FRMD5: variants seen among roughly 807,000 people sequenced by gnomAD.
FRMD5 encodes the protein FERM domain-containing protein 5.
A neutral mutation model predicts 69.0 loss-of-function variants in FRMD5; 20 were observed. The ratio of observed to expected loss-of-function variants is 0.29; its 90% CI spans 0.20 to 0.42. The LOEUF (loss-of-function observed/expected upper bound fraction) is 0.42, where lower values mean the gene tolerates loss of function less well. FRMD5 is among the 10% of genes least tolerant of loss of function. The pLI is 1.00. For synonymous variants in FRMD5, 271 were observed against 260.1 expected, an observed-to-expected ratio of 1.04 and a Z score of -0.40; for missense variants, 595 against 708.6, an observed-to-expected ratio of 0.84 and a Z score of 1.82.
chr15:44,091,383 T>C lies in FRMD5; in HGVS notation c.102+103570A>G, dbSNP rs969121026. On this transcript the variant is annotated intron_variant, in intron 1 of 13. Coordinates refer to ENST00000417257, the MANE Select transcript of FRMD5 (RefSeq NM_032892.5). The stretch of plus-strand genomic sequence containing the variant: ...ACACGCACATGCACACACACACACA[T>C]ATATATCCTGTTTCTTCAACCAGGT... 2.6e-5 allele frequency among the ~76,000 whole-genome samples: 4 copies of C among 152,084 alleles called. No homozygotes were observed. The East Asian group carries it at 5.8e-4, about 22-fold the overall frequency.
At chr15:44,104,504 T>C (rs1329581713) in intron 1 of FRMD5, among the ~76,000 whole-genome samples, 3 of 152,240 alleles carry the variant, frequency 2.0e-5, no homozygotes. Context: ...TCCTGCAAGC[T>C]CTATTCATGG....
intron 1 of FRMD5, among the ~76,000 whole-genome samples, chr15:44,055,772 T>A (rs146124698): frequency 1.7e-3 from 264 of 152,364 alleles, no homozygotes; most frequent in South Asian, 7.9e-3. Context: ...AACTATTGTG[T>A]GACCTTAAGT....
chr15:44,148,153 T>C (rs2077384567), intron 1 of FRMD5, among the ~76,000 whole-genome samples: 1 of 152,148 alleles, frequency 6.6e-6, no homozygotes. Context: ...TTTTCCCCTT[T>C]TGGAAGTTGG....
chr15:44,198,766 C>T (rs2078325246), upstream of FRMD5, among the ~76,000 whole-genome samples: 1 of 152,200 alleles, frequency 6.6e-6, no homozygotes, highest in South Asian at 2.1e-4. Context: ...AATCTATTAA[C>T]TAGGATGCCC....
At chr15:44,147,473 A>G (rs2077374906) in intron 1 of FRMD5, among the ~76,000 whole-genome samples, 2 of 152,088 alleles carry the variant, frequency 1.3e-5, no homozygotes, top group Admixed American at 1.3e-4. Flanking sequence ...TTTTGGTTTC[A>G]TATGAATTTT....
At chr15:44,182,676 A>G (rs1377320820) in intron 1 of FRMD5, among the ~76,000 whole-genome samples, 1 of 152,184 alleles carries the variant, frequency 6.6e-6, no homozygotes, top group African/African-American at 2.4e-5. Context: ...TTTTATTCAT[A>G]CACATCTACA....
chr15:44,123,009 C>A (rs1273707056), intron 1 of FRMD5, among the ~76,000 whole-genome samples: 2 of 152,046 alleles, frequency 1.3e-5, no homozygotes, highest in African/African-American at 2.4e-5. Context: ...AATAACATGG[C>A]AAGAATCATT....
intron 1 of FRMD5, among the ~76,000 whole-genome samples, chr15:44,081,634 A>G (rs1410472427): frequency 6.6e-6 from 1 of 152,100 alleles, no homozygotes; most frequent in African/African-American, 2.4e-5. Flanking sequence ...ATTAATAAAA[A>G]GAATTATTAA....
At chr15:43,945,919 G>A (rs2089939356) in intron 1 of FRMD5, among the ~76,000 whole-genome samples, 2 of 152,154 alleles carry the variant, frequency 1.3e-5, no homozygotes, top group Admixed American at 1.3e-4. Flanking sequence ...AGCTGGGCAT[G>A]GTGGCATGTG....
At chr15:43,977,667 G>C (rs2090484796) in intron 1 of FRMD5, among the ~76,000 whole-genome samples, 1 of 152,224 alleles carries the variant, frequency 6.6e-6, no homozygotes, top group Admixed American at 6.5e-5. Flanking sequence ...GGAAATAACT[G>C]AAAAAGTCAG....
At chr15:44,160,191 T>A (rs538568595) in intron 1 of FRMD5, among the ~76,000 whole-genome samples, 2 of 152,248 alleles carry the variant, frequency 1.3e-5, no homozygotes, top group African/African-American at 4.8e-5. Context: ...CTGTCTCTAC[T>A]AAAAATACAA....
chr15:43,940,184 AAAC>A (rs932684497), intron 1 of FRMD5, among the ~76,000 whole-genome samples: 3 of 152,192 alleles, frequency 2.0e-5, no homozygotes, highest in Non-Finnish European at 4.4e-5. Context: ...GTCTCAAAAC[AAAC>A]AACAACAACG....
chr15:44,017,834 C>T (rs1010633051), intron 1 of FRMD5, among the ~76,000 whole-genome samples: 2 of 151,926 alleles, frequency 1.3e-5, no homozygotes, highest in African/African-American at 4.8e-5. Flanking sequence ...TGGTCTCGAT[C>T]TCCTAACCTC....
At chr15:44,142,235 T>C (rs2077285065) in intron 1 of FRMD5, among the ~76,000 whole-genome samples, 1 of 152,238 alleles carries the variant, frequency 6.6e-6, no homozygotes, top group African/African-American at 2.4e-5. Context: ...CATATTTTTC[T>C]ATCTGGCCAT....
chr15:43,919,868 TG>T (rs2089462800), intron 2 of FRMD5, 59 bp from the exon 3 acceptor site: 3 of 1,484,770 alleles, frequency 2.0e-6, no homozygotes, highest in African/African-American at 2.8e-5. Flanking sequence ...AAATATAACT[TG>T]TTTTCTCCAA....
chr15:43,890,071 C>T (rs1000992432), intron 8 of FRMD5, among the ~76,000 whole-genome samples: 8 of 152,184 alleles, frequency 5.3e-5, no homozygotes, highest in Non-Finnish European at 7.3e-5. Flanking sequence ...ACCACCAGTT[C>T]TGAGCTAACA....
chr15:43,983,481 C>G (rs1432718227), intron 1 of FRMD5, among the ~76,000 whole-genome samples: 12 of 152,270 alleles, frequency 7.9e-5, no homozygotes, highest in Non-Finnish European at 1.5e-4. Flanking sequence ...GTTTCCTCAG[C>G]TATAAAAATA....
chr15:44,138,173 T>A (rs1454303924), intron 1 of FRMD5, among the ~76,000 whole-genome samples: 1 of 152,038 alleles, frequency 6.6e-6, no homozygotes, highest in Non-Finnish European at 1.5e-5. Context: ...AACACCACGA[T>A]TACCAATAAA....
intron 1 of FRMD5, among the ~76,000 whole-genome samples, chr15:43,956,811 A>T (rs552162463): frequency 3.0e-4 from 45 of 152,352 alleles, no homozygotes; most frequent in African/African-American, 9.6e-4. Context: ...CAAGGAGGGG[A>T]TTACTGATGT....
Sources: allele counts gnomAD v4.1 joint callset (sites outside exome capture counted in the v4.1 genomes callset), GRCh38; gene constraint gnomAD v4.1.1; transcripts MANE v1.5; gene names NCBI Gene and HGNC (gene_info 2026-07-23, HGNC 2026-07-21).